The following TMTC2 variants were observed in gnomAD, a reference collection of about 807,000 sequenced individuals.
TMTC2 encodes the protein protein O-mannosyl-transferase TMTC2.
Under a neutral mutation model 82.4 loss-of-function variants are expected in TMTC2, and 43 were observed. The observed-to-expected ratio is 0.52, with a 90% CI of 0.41 to 0.67. TMTC2 has a LOEUF of 0.67. Ranked by LOEUF, TMTC2 falls within the 30% of genes least tolerant of loss-of-function variation. The pLI, the probability that TMTC2 is intolerant of heterozygous loss-of-function variation, is 0.00. For synonymous variants in TMTC2, 408 were observed against 381.9 expected, an observed-to-expected ratio of 1.07 and a Z score of -0.80; for missense variants, 919 against 1,012.4, an observed-to-expected ratio of 0.91 and a Z score of 1.25.
intron 4 of TMTC2, among the ~76,000 whole-genome samples, chr12:82,938,536 G>C (rs1478546154): frequency 6.6e-6 from 1 of 152,102 alleles, no homozygotes; most frequent in Non-Finnish European, 1.5e-5. Context: ...TATCAAGCAG[G>C]AGTGCCCAGA....
At chr12:82,780,844 T>C (rs1300570099) in intron 1 of TMTC2, among the ~76,000 whole-genome samples, 3 of 152,032 alleles carry the variant, frequency 2.0e-5, no homozygotes, top group Admixed American at 1.3e-4. Flanking sequence ...AGCTTTCTGG[T>C]TGCAAATATT....
chr12:82,906,862 C>A (rs766568009), intron 3 of TMTC2, among the ~76,000 whole-genome samples: 5 of 152,172 alleles, frequency 3.3e-5, no homozygotes, highest in Non-Finnish European at 5.9e-5. Flanking sequence ...AGCATCCCAC[C>A]AATAAAGGCT....
At chr12:82,974,879 C>T (rs928938179) in intron 7 of TMTC2, among the ~76,000 whole-genome samples, 29 of 152,108 alleles carry the variant, frequency 1.9e-4, no homozygotes, top group African/African-American at 6.8e-4. Flanking sequence ...TGTAGCATTC[C>T]TTCCCTCAAG....
intron 1 of TMTC2, among the ~76,000 whole-genome samples, chr12:82,785,158 C>T (rs1312619541): frequency 6.6e-6 from 1 of 151,914 alleles, no homozygotes; most frequent in African/African-American, 2.4e-5. Context: ...CTCTTTAGAC[C>T]CGGAAGCTGC....
At chr12:82,729,775 T>A (rs1054980662) in intron 1 of TMTC2, among the ~76,000 whole-genome samples, 12 of 152,222 alleles carry the variant, frequency 7.9e-5, no homozygotes, top group Non-Finnish European at 1.8e-4. Flanking sequence ...CGTGCTGTGG[T>A]AGCTTTGTTC....
intron 7 of TMTC2, among the ~76,000 whole-genome samples, chr12:82,975,744 A>T (rs1032123): frequency 0.91 from 138,209 of 151,812 alleles, 63,038 homozygotes; most frequent in East Asian, 1. Context: ...CTTCCATTAC[A>T]CTCTTTTGAC....
chr12:82,916,516 G>T (rs559394523), intron 3 of TMTC2, among the ~76,000 whole-genome samples: 238 of 152,256 alleles, frequency 1.6e-3, no homozygotes, highest in Non-Finnish European at 2.7e-3. Flanking sequence ...ACTATGAGTG[G>T]TACTGGCAGC....
At chr12:83,001,152 C>A (rs1476406316) in intron 8 of TMTC2, among the ~76,000 whole-genome samples, 8 of 152,176 alleles carry the variant, frequency 5.3e-5, no homozygotes, top group Admixed American at 4.6e-4. Context: ...TGGTGATTAA[C>A]ATTCGGCTCC....
intron 9 of TMTC2, among the ~76,000 whole-genome samples, chr12:83,044,225 T>C (rs1882004151): frequency 6.6e-6 from 1 of 152,258 alleles, no homozygotes; most frequent in Admixed American, 6.5e-5. Flanking sequence ...TTAATATTAG[T>C]TGGTTCAGTC....
Position 82,896,447 on chromosome 12 carries a change from T to C in TMTC2, c.1284T>C (p.Ser428=). 2 of 1,614,234 alleles carry C rather than the reference T, an allele frequency of 1.2e-6. No homozygotes were observed. Among genetic ancestry groups the C allele is most frequent in the East Asian group, 4.5e-5 (2 of 44,882 alleles). The part of the protein sequence containing the change: ...VIAERVLYIP[S]MGFCLLITVG... ...CAGAGCGAGTATTATATATTCCTAG[T>C]ATGGGCTTCTGCCTACTGATTACAG... Residue 428 remains serine (S), a synonymous_variant, in exon 3 of 12, where the codon AGT becomes AGC. Coordinates refer to ENST00000321196, the MANE Select transcript of TMTC2 (RefSeq NM_152588.3).
At chr12:82,926,600 A>G (rs995469390) in intron 3 of TMTC2, among the ~76,000 whole-genome samples, 3 of 152,228 alleles carry the variant, frequency 2.0e-5, no homozygotes, top group Non-Finnish European at 4.4e-5. Context: ...AGTGTATACA[A>G]AACAGATTTC....
At chr12:83,043,765 A>G (rs1055579602) in intron 9 of TMTC2, among the ~76,000 whole-genome samples, 2 of 152,190 alleles carry the variant, frequency 1.3e-5, no homozygotes, top group Non-Finnish European at 1.5e-5. Context: ...TATTTTGTGT[A>G]TAGTAGACAC....
At chr12:83,009,925 C>G (rs1880378317) in intron 8 of TMTC2, among the ~76,000 whole-genome samples, 1 of 152,158 alleles carries the variant, frequency 6.6e-6, no homozygotes, top group Admixed American at 6.5e-5. Flanking sequence ...CAGTTCACAA[C>G]AGGGTTTTGT....
Position 82,882,587 on chromosome 12 carries a change from G to A in TMTC2, c.655-13231G>A, listed in dbSNP as rs150578486. Among the ~76,000 whole-genome samples the A allele has an allele frequency of 4.6e-4, 70 of 152,072 alleles. 1 individual carries two copies. In the East Asian group the frequency reaches 9.7e-3, roughly 21 times the overall value. The stretch of plus-strand genomic sequence containing the variant: ...GTAAACCCAGAATGTTCAACTCAGC[G>A]GCCTTTTAAGGATTCCAATTCTGCT... On this transcript the variant is annotated intron_variant, in intron 2 of 11. Transcript: ENST00000321196.
chr12:82,816,258 T>C (rs1002920244), intron 1 of TMTC2, among the ~76,000 whole-genome samples: 2 of 151,878 alleles, frequency 1.3e-5, no homozygotes, highest in African/African-American at 4.8e-5. Context: ...TGGGAAAACC[T>C]AAATCATTTC....
chr12:82,916,231 T>C (rs1198711644), intron 3 of TMTC2, among the ~76,000 whole-genome samples: 1 of 152,186 alleles, frequency 6.6e-6, no homozygotes, highest in Admixed American at 6.5e-5. Flanking sequence ...CTTTTGACAG[T>C]GTGATAGGCA....
rs1467560157 is a variant in TMTC2, at chr12:82,993,739, A to G, written c.2070+7693A>G. 3.3e-5 allele frequency among the ~76,000 whole-genome samples: 5 copies of G among 152,258 alleles called. No individual in the cohort carries two copies. In the South Asian group the frequency reaches 8.3e-4, roughly 25 times the overall value. On this transcript the variant is annotated intron_variant, in intron 8 of 11. Coordinates refer to ENST00000321196, the MANE Select transcript of TMTC2 (RefSeq NM_152588.3). ...GTATATTGCTTTTAAGGTAACTTAC[A>G]TTTTGTCATAGTCAGCGACTCTCTG...
intron 1 of TMTC2, among the ~76,000 whole-genome samples, chr12:82,805,110 C>T (rs1449218117): frequency 1.3e-5 from 2 of 152,002 alleles, no homozygotes; most frequent in East Asian, 3.9e-4. Context: ...TGTATTTGTC[C>T]CTATTGGCTA....
intron 11 of TMTC2, among the ~76,000 whole-genome samples, chr12:83,096,891 C>T (rs1427134852): frequency 6.6e-6 from 1 of 152,124 alleles, no homozygotes; most frequent in African/African-American, 2.4e-5. Context: ...GAAGTCTTCC[C>T]TCAATTCTAG....
Sources: allele counts gnomAD v4.1 joint callset (sites outside exome capture counted in the v4.1 genomes callset), GRCh38; gene constraint gnomAD v4.1.1; transcripts MANE v1.5; gene names NCBI Gene and HGNC (gene_info 2026-07-23, HGNC 2026-07-21).